The following GALNT18 variants were observed in gnomAD, a reference collection of about 807,000 sequenced individuals.
GALNT18 encodes the protein GalNAc-transferase 18.
Under a neutral mutation model 69.5 loss-of-function variants are expected in GALNT18, and 44 were observed. The ratio of observed to expected loss-of-function variants is 0.63; its 90% confidence interval spans 0.50 to 0.81. GALNT18 has a LOEUF of 0.81. GALNT18 is among the 40% of genes least tolerant of loss of function. GALNT18 has a pLI of 0.00. For missense variants in GALNT18, 715 were observed against 810.0 expected (o/e 0.88, Z 1.42); for synonymous variants, 364 against 318.2 (o/e 1.14, Z -1.53).
rs146486253 is a variant in GALNT18 at position 11,326,114 on chromosome 11, A to G, written c.1512+972T>C. On this transcript the variant is annotated intron_variant, in intron 9 of 10. Coordinates refer to ENST00000227756, the MANE Select transcript of GALNT18 (RefSeq NM_198516.3). ...GGCCGGACTGCAGTAGTGCGATCTC[A>G]GCTCACTGCAAGCTCTGCCTCCCGG... is the stretch of plus-strand genomic sequence containing the variant. Among the ~76,000 whole-genome samples the G allele has an allele frequency of 9.5e-3, 1,345 of 140,892 alleles. 18 individuals are homozygous for G. Among genetic ancestry groups the G allele is most frequent in the African/African-American group, 0.034 (1,290 of 37,600 alleles). 92.4% of individuals were successfully genotyped at this position (140,892 alleles called of 152,430 possible). A position where few individuals can be genotyped will look rare whatever the true frequency, so the allele number is the denominator to read the frequency against.
intron 1 of GALNT18, among the ~76,000 whole-genome samples, chr11:11,532,890 T>C (rs1434490468): frequency 6.6e-6 from 1 of 152,240 alleles, no homozygotes; most frequent in Non-Finnish European, 1.5e-5. Flanking sequence ...CAGTCTATGC[T>C]GCTGATGGAA....
rs960074758 is a variant in GALNT18, at chr11:11,353,192, T to C, written c.1093-12188A>G. On this transcript the variant is annotated intron_variant, in intron 6 of 10. Coordinates refer to ENST00000227756, the MANE Select transcript of GALNT18 (RefSeq NM_198516.3). ...GCAGTCACTGTGTTCAGAAGCAGCTTGGGGGTAAGACCTTGTTTCAGACCT... is the reference window on the plus strand; with the variant it reads ...GCAGTCACTGTGTTCAGAAGCAGCTCGGGGGTAAGACCTTGTTTCAGACCT... 4.8e-5 allele frequency: 77 copies of C among 1,590,698 alleles called. No individual in the cohort carries two copies. In the Admixed American group the frequency reaches 1.3e-3, roughly 27 times the overall value.
rs897775547 is a variant in GALNT18, at chr11:11,523,743, C to G, written c.236-74807G>C. 6.6e-6 allele frequency among the ~76,000 whole-genome samples: 1 copy of G among 151,738 alleles called. No homozygotes were observed. Among genetic ancestry groups the G allele is most frequent in the Admixed American group, 6.6e-5 (1 of 15,238 alleles). Reference sequence around the variant, plus strand: ...CAAAAAAAAAAAAAAATATCGTACACCCTGCCTCCCTGGGAAAGGAGGTAG... The same window carrying G: ...CAAAAAAAAAAAAAAATATCGTACAGCCTGCCTCCCTGGGAAAGGAGGTAG... On this transcript the variant is annotated intron_variant, in intron 1 of 10. Transcript: ENST00000227756. This position sits in a 1 kb window ranked among gnomAD's most constrained non-coding sequence, Gnocchi z 4.3.
chr11:11,278,085 A>C (rs1275354215), intron 10 of GALNT18, among the ~76,000 whole-genome samples: 2 of 151,904 alleles, frequency 1.3e-5, no homozygotes, highest in African/African-American at 4.8e-5. Flanking sequence ...TGATCTGTCT[A>C]GTATTGACAG....
chr11:11,604,551 G>A lies in GALNT18; in HGVS notation c.235+16808C>T, dbSNP rs1049981917. 2.6e-5 allele frequency among the ~76,000 whole-genome samples: 4 copies of A among 152,188 alleles called. No individual in the cohort carries two copies. The highest frequency in any genetic ancestry group is 7.2e-5 in the African/African-American group (3 of 41,440). On this transcript the variant is annotated intron_variant, in intron 1 of 10. Transcript: ENST00000227756. The surrounding 1 kb of genome is among the most constrained non-coding windows in gnomAD (Gnocchi z 5.6). ...GCAAGTCCAAGTGACTCCAGACCCC[G>A]CCTGGCACCAAGTCTGCATGGCGGA...
At chr11:11,479,516 G>T (rs1394650110) in intron 1 of GALNT18, among the ~76,000 whole-genome samples, 1 of 152,158 alleles carries the variant, frequency 6.6e-6, no homozygotes, top group African/African-American at 2.4e-5. Context: ...GTTCAATAGT[G>T]CTTCCCAGAT....
At chr11:11,375,739 A>T (rs930173414) in intron 5 of GALNT18, among the ~76,000 whole-genome samples, 1 of 152,206 alleles carries the variant, frequency 6.6e-6, no homozygotes, top group African/African-American at 2.4e-5. Flanking sequence ...TGCGTGTAAA[A>T]GACCCTTGTA....
rs1849792636 is a variant in GALNT18 at position 11,318,506 on chromosome 11, T to G, written c.1512+8580A>C. ...CCTGGAGTAGAATCTTTCCTAGGCC[T>G]TCAGAGGGAGCTTGGCCCTGCTGAG... On this transcript the variant is annotated intron_variant, in intron 9 of 10. Transcript: ENST00000227756. The surrounding 1 kb of genome is among the most constrained non-coding windows in gnomAD (Gnocchi z 5.1). 1.3e-5 allele frequency among the ~76,000 whole-genome samples: 2 copies of G among 152,208 alleles called. No individual in the cohort carries two copies. The highest frequency in any genetic ancestry group is 4.8e-5 in the African/African-American group (2 of 41,446).
At chr11:11,286,810 T>C (rs1050548841) in intron 10 of GALNT18, among the ~76,000 whole-genome samples, 2 of 152,090 alleles carry the variant, frequency 1.3e-5, no homozygotes, top group African/African-American at 4.8e-5. Flanking sequence ...TAAAGTGTGA[T>C]TAAGAGTGTC....
At chr11:11,407,084 G>A (rs1854605419) in intron 3 of GALNT18, among the ~76,000 whole-genome samples, 1 of 152,198 alleles carries the variant, frequency 6.6e-6, no homozygotes, top group South Asian at 2.1e-4. Flanking sequence ...CCAAAGTACT[G>A]AGCCTAATGG....
chr11:11,520,478 T>C (rs1367094732), intron 1 of GALNT18, among the ~76,000 whole-genome samples: 2 of 152,174 alleles, frequency 1.3e-5, no homozygotes, highest in Non-Finnish European at 2.9e-5. Context: ...CAGACATCTC[T>C]GAAAAGATGT....
intron 3 of GALNT18, among the ~76,000 whole-genome samples, chr11:11,412,900 C>T (rs556752793): frequency 6.6e-6 from 1 of 152,184 alleles, no homozygotes; most frequent in South Asian, 2.1e-4. Flanking sequence ...TAGAAATTAA[C>T]ACCCCCAGAA....
In GALNT18 at chr11:11,341,109, C is replaced by T; in HGVS notation, c.1093-105G>A. 1.0e-6 allele frequency: 1 copy of T among 1,003,512 alleles called. No homozygotes were observed. 62.2% of individuals were successfully genotyped at this position (1,003,512 alleles called of 1,614,324 possible). On this transcript the variant is annotated intron_variant, in intron 6 of 10. Transcript: ENST00000227756. This position sits in a 1 kb window ranked among gnomAD's most constrained non-coding sequence, Gnocchi z 6.3. ...TGAGCAGGAAGAAAGTCAGCCCCTTCACCTTGACTCCCCAGATCACTCTCT... is the reference window on the plus strand; with the variant it reads ...TGAGCAGGAAGAAAGTCAGCCCCTTTACCTTGACTCCCCAGATCACTCTCT...
At chr11:11,408,628 C>T (rs1854650162) in intron 3 of GALNT18, among the ~76,000 whole-genome samples, 1 of 152,144 alleles carries the variant, frequency 6.6e-6, no homozygotes, top group Non-Finnish European at 1.5e-5. Flanking sequence ...GCTGCCCCCT[C>T]AGTCTCTGTG....
Position 11,341,678 on chromosome 11 carries a change from T to A in GALNT18, c.1093-674A>T, listed in dbSNP as rs1850209861. On this transcript the variant is annotated intron_variant, in intron 6 of 10. Transcript: ENST00000227756. The surrounding 1 kb of genome is among the most constrained non-coding windows in gnomAD (Gnocchi z 6.3). ...GTGTTAATGGGCAGCATCTCAAAGCTCTCGCTACAATCTTTCCAGCCATCC... is the reference window on the plus strand; with the variant it reads ...GTGTTAATGGGCAGCATCTCAAAGCACTCGCTACAATCTTTCCAGCCATCC... Among the ~76,000 whole-genome samples the A allele has an allele frequency of 2.0e-5, 3 of 152,334 alleles. No homozygotes were observed. Among genetic ancestry groups the A allele is most frequent in the South Asian group, 4.1e-4 (2 of 4,824 alleles).
At chr11:11,471,141 C>T (rs897471455) in intron 1 of GALNT18, among the ~76,000 whole-genome samples, 1 of 152,084 alleles carries the variant, frequency 6.6e-6, no homozygotes, top group Non-Finnish European at 1.5e-5. Flanking sequence ...CATTCCACTC[C>T]TTTTTTAAGA....
rs1857826520 is a variant in GALNT18 at position 11,538,139 on chromosome 11, G to T, written c.235+83220C>A. 6.6e-6 allele frequency among the ~76,000 whole-genome samples: 1 copy of T among 152,140 alleles called. No homozygotes were observed. The highest frequency in any genetic ancestry group is 1.5e-5 in the Non-Finnish European group (1 of 68,036). On this transcript the variant is annotated intron_variant, in intron 1 of 10. Transcript: ENST00000227756. The surrounding 1 kb of genome is among the most constrained non-coding windows in gnomAD (Gnocchi z 5.2). The stretch of plus-strand genomic sequence containing the variant: ...TTGTTTTGCAGAGGGTGAAATTCAG[G>T]CTGGAAGAGTGGGTGACTAGCTAAG...
intron 2 of GALNT18, among the ~76,000 whole-genome samples, chr11:11,438,114 A>G (rs1855451823): frequency 6.6e-6 from 1 of 152,166 alleles, no homozygotes; most frequent in African/African-American, 2.4e-5. Flanking sequence ...CAAGGCCACC[A>G]TGGCCTCACT....
intron 1 of GALNT18, among the ~76,000 whole-genome samples, chr11:11,548,254 C>G (rs1343689241): frequency 6.6e-6 from 1 of 152,232 alleles, no homozygotes; most frequent in Non-Finnish European, 1.5e-5. Context: ...AAAGTGAGCA[C>G]AGGCTGACAT....
Sources: allele counts gnomAD v4.1 joint callset (sites outside exome capture counted in the v4.1 genomes callset), GRCh38; gene constraint gnomAD v4.1.1; non-coding constraint Gnocchi (gnomAD v3.1); transcripts MANE v1.5; gene names NCBI Gene and HGNC (gene_info 2026-07-23, HGNC 2026-07-21).